The following AGBL4 variants were observed in gnomAD, a reference collection of about 807,000 sequenced individuals.
AGBL4 encodes the protein cytosolic carboxypeptidase 6.
Under a neutral mutation model 66.4 loss-of-function variants are expected in AGBL4, and 58 were observed. The observed-to-expected ratio is 0.87, with a 90% CI of 0.71 to 1.09. The LOEUF is 1.09. Among genes scored for constraint, AGBL4 ranks in the 50% least tolerant of loss-of-function variants. AGBL4 has a pLI of 0.00. For synonymous variants in AGBL4, 234 were observed against 222.9 expected, an observed-to-expected ratio of 1.05 and a Z score of -0.44; for missense variants, 579 against 631.0, an observed-to-expected ratio of 0.92 and a Z score of 0.88.
At position 49,285,907 on chromosome 1, in the gene AGBL4, C is replaced by A. The variant is rs527523482; in HGVS notation, c.283-40043G>T. On this transcript the variant is annotated intron_variant, in intron 3 of 13. Coordinates refer to ENST00000371839, the MANE Select transcript of AGBL4 (RefSeq NM_032785.4). Reference sequence around the variant, plus strand: ...TACCAAAGCCGGGCAGAGACACAACCAAAAAAGAGAATTTTACACCAATAT... The same window carrying A: ...TACCAAAGCCGGGCAGAGACACAACAAAAAAAGAGAATTTTACACCAATAT... Among the ~76,000 whole-genome samples, 372 of 152,070 alleles carry A rather than the reference C, an allele frequency of 2.4e-3. 2 individuals carry two copies. Among genetic ancestry groups the A allele is most frequent in the Non-Finnish European group, 3.7e-3 (254 of 67,956 alleles).
chr1:49,108,791 G>A (rs960576426), intron 4 of AGBL4, among the ~76,000 whole-genome samples: 10 of 152,098 alleles, frequency 6.6e-5, no homozygotes, highest in Non-Finnish European at 1.3e-4. Context: ...ACAGAGAAGG[G>A]GTGACAGCCG....
intron 3 of AGBL4, among the ~76,000 whole-genome samples, chr1:49,318,425 T>TGACGAC (rs543474552): frequency 2.0e-5 from 3 of 148,198 alleles, no homozygotes; most frequent in African/African-American, 7.7e-5. Flanking sequence ...ATGATGATGA[T>TGACGAC]GACGGCAATG....
intron 5 of AGBL4, among the ~76,000 whole-genome samples, chr1:48,869,080 T>C (rs1384636760): frequency 6.6e-6 from 1 of 152,210 alleles, no homozygotes; most frequent in Non-Finnish European, 1.5e-5. Context: ...AAGATTTCTC[T>C]ACCCCTTGCT....
chr1:48,634,764 A>G (rs1016733847), intron 8 of AGBL4, among the ~76,000 whole-genome samples, 160 bp from the exon 9 acceptor site: 11 of 152,202 alleles, frequency 7.2e-5, no homozygotes. Flanking sequence ...TAATTCTTTC[A>G]GTGTCATCAA....
chr1:48,836,887 G>T (rs1283392924), intron 6 of AGBL4, among the ~76,000 whole-genome samples: 1 of 150,582 alleles, frequency 6.6e-6, no homozygotes, highest in Admixed American at 6.6e-5. Flanking sequence ...TGTAGAGGCT[G>T]GGCTAAATGT....
At chr1:49,258,924 C>A (rs1373262400) in intron 3 of AGBL4, among the ~76,000 whole-genome samples, 1 of 152,100 alleles carries the variant, frequency 6.6e-6, no homozygotes, top group African/African-American at 2.4e-5. Context: ...GGGTTACCCA[C>A]AAAGGGAAGC....
intron 3 of AGBL4, among the ~76,000 whole-genome samples, chr1:49,467,292 A>G (rs888344662): frequency 6.6e-6 from 1 of 151,912 alleles, no homozygotes; most frequent in African/African-American, 2.4e-5. Flanking sequence ...TGTGTTGTTT[A>G]GAAAGTGTTA....
chr1:48,603,202 T>C (rs1645100608), intron 9 of AGBL4, among the ~76,000 whole-genome samples: 1 of 152,218 alleles, frequency 6.6e-6, no homozygotes, highest in Non-Finnish European at 1.5e-5. Flanking sequence ...CCCAGCGCAG[T>C]GGCTCATGCC....
chr1:48,859,463 C>T (rs893921764), intron 6 of AGBL4, among the ~76,000 whole-genome samples: 5 of 152,166 alleles, frequency 3.3e-5, no homozygotes, highest in South Asian at 2.1e-4. Flanking sequence ...GAATCTTTCT[C>T]GGCTTTTTTT....
At chr1:49,397,143 A>T (rs1257939023) in intron 3 of AGBL4, among the ~76,000 whole-genome samples, 17 of 152,004 alleles carry the variant, frequency 1.1e-4, no homozygotes, top group Non-Finnish European at 2.2e-4. Context: ...CTCAGTTCCT[A>T]ACAGGCCACA....
chr1:48,847,875 C>T (rs1646954899), intron 6 of AGBL4, among the ~76,000 whole-genome samples: 1 of 152,088 alleles, frequency 6.6e-6, no homozygotes, highest in Non-Finnish European at 1.5e-5. Flanking sequence ...GAATATAGTT[C>T]TATGGTGGCC....
intron 1 of AGBL4, among the ~76,000 whole-genome samples, chr1:49,989,017 C>A (rs1426402570): frequency 6.6e-6 from 1 of 152,036 alleles, no homozygotes; most frequent in Non-Finnish European, 1.5e-5. Context: ...AGAAACAAAC[C>A]CGTATTTGTG....
intron 1 of AGBL4, among the ~76,000 whole-genome samples, chr1:49,860,334 A>G (rs1201117475): frequency 1.3e-5 from 2 of 152,262 alleles, no homozygotes; most frequent in African/African-American, 4.8e-5. Flanking sequence ...TTACATGGTC[A>G]ATTGATTTTC....
intron 2 of AGBL4, among the ~76,000 whole-genome samples, chr1:49,738,190 A>C (rs1294099884): frequency 1.3e-5 from 2 of 152,204 alleles, no homozygotes; most frequent in African/African-American, 4.8e-5. Context: ...CACCTGGAAA[A>C]TTGGGTCACT....
chr1:49,997,493 T>C (rs945226304), intron 1 of AGBL4, among the ~76,000 whole-genome samples: 1 of 152,098 alleles, frequency 6.6e-6, no homozygotes, highest in Admixed American at 6.6e-5. Flanking sequence ...AAGACTATTG[T>C]AATGGGAAAA....
chr1:49,485,815 G>A (rs1472643011), intron 3 of AGBL4, among the ~76,000 whole-genome samples: 2 of 151,844 alleles, frequency 1.3e-5, no homozygotes, highest in Non-Finnish European at 2.9e-5. Flanking sequence ...AGTTACCACA[G>A]GCTGGGAAGG....
chr1:49,255,927 G>A (rs1570235102), intron 3 of AGBL4, among the ~76,000 whole-genome samples: 1 of 152,068 alleles, frequency 6.6e-6, no homozygotes, highest in East Asian at 1.9e-4. Context: ...ACCAAATATT[G>A]CATGTTCTCA....
At chr1:49,749,974 T>C (rs1374839599) in intron 2 of AGBL4, among the ~76,000 whole-genome samples, 1 of 152,112 alleles carries the variant, frequency 6.6e-6, no homozygotes. Flanking sequence ...CATGTATGTA[T>C]GAAACAGAAT....
At chr1:49,929,717 A>G (rs1172752936) in intron 1 of AGBL4, among the ~76,000 whole-genome samples, 5 of 152,106 alleles carry the variant, frequency 3.3e-5, no homozygotes, top group Non-Finnish European at 1.5e-5. Flanking sequence ...AATTAAAGGC[A>G]GCAGAAAATG....
Sources: gnomAD v4.1 joint callset for allele counts (sites outside exome capture counted in the v4.1 genomes callset) on GRCh38, gnomAD v4.1.1 for gene constraint, MANE v1.5 for transcripts, NCBI Gene and HGNC (gene_info 2026-07-23, HGNC 2026-07-21) for gene names.